MYO1F: variants seen among roughly 807,000 people sequenced by gnomAD.
MYO1F encodes the protein unconventional myosin-If.
In MYO1F, 60 loss-of-function variants were observed where a neutral mutation model predicts 146.6. The observed-to-expected ratio is 0.41, with a 90% CI of 0.33 to 0.51. The LOEUF is 0.51. Among genes scored for constraint, MYO1F ranks in the 20% least tolerant of loss-of-function variants. The pLI, the probability that MYO1F is intolerant of heterozygous loss-of-function variation, is 0.25. For synonymous variants in MYO1F, 602 were observed against 602.1 expected (o/e 1.00, Z 0.00); for missense variants, 1,274 against 1,534.3 (o/e 0.83, Z 2.83).
Position 8,530,503 on chromosome 19 carries a change from C to T in MYO1F, c.2114G>A (p.Arg705Gln), listed in dbSNP as rs1349900545. The T allele has an allele frequency of 1.2e-5, 19 of 1,613,626 alleles. No individual in the cohort carries two copies. The highest frequency in any genetic ancestry group is 1.4e-5 in the Non-Finnish European group (16 of 1,180,026). Residue 705 changes from arginine to glutamine, a missense_variant, in exon 20 of 28, where the codon CGG (arginine) becomes CAG (glutamine). Transcript: ENST00000644032. This position sits in a 1 kb window ranked among gnomAD's most constrained non-coding sequence, Gnocchi z 5.8. ...GFARTIQKAW[R>Q]RHVAVRKYEE... is the part of the protein sequence containing the mutation. ...GTACTTCCGGACAGCCACGTGGCGC[C>T]GCCAGGCCTTCTGGATGGTTCGGGC... is the stretch of plus-strand genomic sequence containing the variant.
chr19:8,570,699 A>C, intron 1 of MYO1F, among the ~76,000 whole-genome samples: 1 of 151,494 alleles, frequency 6.6e-6, no homozygotes, highest in African/African-American at 2.4e-5. Flanking sequence ...AAATAGAGAC[A>C]AAGTCTAACT....
chr19:8,556,494 G>GAA (rs796656959), intron 1 of MYO1F, among the ~76,000 whole-genome samples: 1 of 129,520 alleles, frequency 7.7e-6, no homozygotes, highest in East Asian at 2.1e-4. Context: ...AAGAAAGAAA[G>GAA]AAAGAAAGAA....
In MYO1F at chr19:8,555,639, C is replaced by T. The variant is rs762111655; in HGVS notation, c.141+20G>A. On this transcript the variant is annotated intron_variant, in intron 2 of 27. Coordinates refer to ENST00000644032, the MANE Select transcript of MYO1F (RefSeq NM_012335.4). ...TCATTCCTTCCCTGCCTGCCCACCCCCAGCCTTGGCCCAGGGTACGAAGAT... is the reference window on the plus strand; with the variant it reads ...TCATTCCTTCCCTGCCTGCCCACCCTCAGCCTTGGCCCAGGGTACGAAGAT... 24 of 1,613,924 alleles carry T rather than the reference C, an allele frequency of 1.5e-5. No homozygotes were observed. In the East Asian group the frequency reaches 4.0e-4, roughly 27 times the overall value.
At chr19:8,543,957 G>GTGGTGGTGC (rs1973190519) in intron 14 of MYO1F, 1 of 278,684 alleles carries the variant, frequency 3.6e-6, no homozygotes, top group Non-Finnish European at 6.5e-6. Context: ...GCTGGTGGTG[G>GTGGTGGTGC]TGGTGGTGGT....
intron 21 of MYO1F, 59 bp from the exon 22 acceptor site, chr19:8,527,542 G>A (rs1972320419): frequency 5.0e-6 from 8 of 1,599,230 alleles, no homozygotes; most frequent in Non-Finnish European, 6.8e-6. Context: ...GGCCACAGAG[G>A]ATCCACCCCA....
At chr19:8,531,934 A>G (rs1972503939) in intron 19 of MYO1F, among the ~76,000 whole-genome samples, 1 of 152,132 alleles carries the variant, frequency 6.6e-6, no homozygotes, top group Admixed American at 6.6e-5. Context: ...CCTGGCCAAC[A>G]TGGTGAAACC....
At chr19:8,545,511 T>C in intron 13 of MYO1F, 139 bp downstream of exon 13, 1 of 767,634 alleles carries the variant, frequency 1.3e-6, no homozygotes, top group South Asian at 1.4e-5. Context: ...TTTTGGTTGT[T>C]ATCTGTCGCT....
At chr19:8,553,053 A>G in intron 6 of MYO1F, 86 bp downstream of exon 6, 2 of 1,278,930 alleles carry the variant, frequency 1.6e-6, no homozygotes, top group Non-Finnish European at 2.3e-6. Flanking sequence ...TGTCTTGGCA[A>G]TACGGGTGTG....
At chr19:8,531,863 A>AGCC (rs1972500631) in intron 19 of MYO1F, among the ~76,000 whole-genome samples, 1 of 152,150 alleles carries the variant, frequency 6.6e-6, no homozygotes, top group Non-Finnish European at 1.5e-5. Flanking sequence ...CAAGCCTGTA[A>AGCC]TCCCAGCATT....
At chr19:8,541,671 T>G in intron 15 of MYO1F, 1 of 540,892 alleles carries the variant, frequency 1.8e-6, no homozygotes, top group South Asian at 2.0e-5. Flanking sequence ...TCAAGAGATT[T>G]GTCCACTTCG....
At chr19:8,545,497 G>C (rs750930029) in intron 13 of MYO1F, 153 bp downstream of exon 13, 21 of 738,922 alleles carry the variant, frequency 2.8e-5, no homozygotes, top group Non-Finnish European at 5.0e-5. Context: ...GGGCGGAAGG[G>C]ACATTTTGGT....
intron 19 of MYO1F, among the ~76,000 whole-genome samples, chr19:8,532,901 A>ATATAT (rs1555720422): frequency 2.1e-5 from 1 of 47,826 alleles, no homozygotes; most frequent in African/African-American, 1.1e-4. Flanking sequence ...AAAAAAAAAA[A>ATATAT]ATACACACAC....
Position 8,521,629 on chromosome 19 carries a change from G to A in MYO1F, c.3221-25C>T, listed in dbSNP as rs187544741. On this transcript the variant is annotated intron_variant, in intron 27 of 27. Transcript: ENST00000644032. Reference sequence around the variant, plus strand: ...TCTGTGGGAGAGAGGAAAGCTTGAGGTGCCCCTAGCTGGCCCTGGAGAAAG... The same window carrying A: ...TCTGTGGGAGAGAGGAAAGCTTGAGATGCCCCTAGCTGGCCCTGGAGAAAG... 4,486 of 1,612,144 alleles carry A rather than the reference G, an allele frequency of 2.8e-3. 18 individuals are homozygous for A. The highest frequency in any genetic ancestry group is 3.4e-3 in the Non-Finnish European group (3,975 of 1,178,550).
Position 8,526,440 on chromosome 19 carries a change from C to A in MYO1F, c.2770+13G>T, listed in dbSNP as rs761278610. The A allele has an allele frequency of 5.8e-6, 9 of 1,551,872 alleles. No homozygotes were observed. Among genetic ancestry groups the A allele is most frequent in the East Asian group, 2.4e-5 (1 of 41,382 alleles). On this transcript the variant is annotated intron_variant, in intron 24 of 27. Coordinates refer to ENST00000644032, the MANE Select transcript of MYO1F (RefSeq NM_012335.4). ...GGCCCCGCCCCCTCTGCCCTAGTTC[C>A]GCGCAGACTCACTGGAGCTCTTGGG...
intron 8 of MYO1F, chr19:8,551,394 C>G (rs1973604683): frequency 1.3e-5 from 4 of 312,954 alleles, no homozygotes; most frequent in South Asian, 5.5e-5. Flanking sequence ...CTCTGTTGCC[C>G]AGGCTGGAGT....
intron 1 of MYO1F, 126 bp from the exon 2 acceptor site, chr19:8,555,922 C>A: frequency 9.6e-7 from 1 of 1,040,676 alleles, no homozygotes; most frequent in South Asian, 1.6e-5. Context: ...CCTTCCCCAT[C>A]TCCAGGAGAG....
At chr19:8,532,949 C>CA (rs1491385727) in intron 19 of MYO1F, among the ~76,000 whole-genome samples, 1 of 139,312 alleles carries the variant, frequency 7.2e-6, no homozygotes, top group African/African-American at 2.7e-5. Context: ...CACACACACA[C>CA]AATTGGGCTT....
chr19:8,523,305 T>G (rs899017355), intron 25 of MYO1F, among the ~76,000 whole-genome samples: 2 of 152,106 alleles, frequency 1.3e-5, no homozygotes, highest in African/African-American at 4.8e-5. Flanking sequence ...AGTGCTGGGA[T>G]TACAGGCATG....
At position 8,521,459 on chromosome 19, in the gene MYO1F, GC is replaced by G. The variant is rs1412770327; in HGVS notation, c.*68del. 8.5e-6 allele frequency: 13 copies of G among 1,534,918 alleles called. No homozygotes were observed. In the East Asian group the frequency reaches 2.5e-4, roughly 29 times the overall value. On this transcript the variant is annotated 3_prime_UTR_variant, in exon 28 of 28. Coordinates refer to ENST00000644032, the MANE Select transcript of MYO1F (RefSeq NM_012335.4). ...GGTAAACGAGGCTCTCATTGGCAGGGCCTGGCTCCCCACCAGGCCGGCAGGC... is the reference window on the plus strand; with the variant it reads ...GGTAAACGAGGCTCTCATTGGCAGGGCTGGCTCCCCACCAGGCCGGCAGGC...
Sources: allele counts gnomAD v4.1 joint callset (sites outside exome capture counted in the v4.1 genomes callset), GRCh38; gene constraint gnomAD v4.1.1; non-coding constraint Gnocchi (gnomAD v3.1); transcripts MANE v1.5; gene names NCBI Gene and HGNC (gene_info 2026-07-23, HGNC 2026-07-21).